The following RALGPS2 variants were observed in gnomAD, a reference collection of about 807,000 sequenced individuals.
The protein encoded by RALGPS2 is ras-specific guanine nucleotide-releasing factor RalGPS2.
Under a neutral mutation model 86.8 loss-of-function variants are expected in RALGPS2, and 43 were observed. The ratio of observed to expected loss-of-function variants is 0.50; its 90% CI spans 0.39 to 0.64. The LOEUF is 0.64. Among genes scored for constraint, RALGPS2 ranks in the 30% least tolerant of loss-of-function variants. RALGPS2 has a pLI of 0.00. For missense variants in RALGPS2, 536 were observed against 694.6 expected (o/e 0.77, Z 2.57); for synonymous variants, 243 against 231.3 (o/e 1.05, Z -0.46).
chr1:178,881,842 T>A (rs943528760), intron 10 of RALGPS2, among the ~76,000 whole-genome samples: 1 of 152,196 alleles, frequency 6.6e-6, no homozygotes, highest in Non-Finnish European at 1.5e-5. Flanking sequence ...TCATTAAAAT[T>A]ATTAGAAAAA....
At chr1:178,870,523 A>G (rs1658689616) in intron 8 of RALGPS2, among the ~76,000 whole-genome samples, 1 of 152,192 alleles carries the variant, frequency 6.6e-6, no homozygotes, top group Non-Finnish European at 1.5e-5. Context: ...TATACACTAA[A>G]CATCATTAAA....
At chr1:178,791,285 T>TC in intron 4 of RALGPS2, among the ~76,000 whole-genome samples, 1 of 142,224 alleles carries the variant, frequency 7.0e-6, no homozygotes, top group African/African-American at 2.6e-5. Flanking sequence ...CACACCTGCC[T>TC]AATTTTTTTT....
intron 8 of RALGPS2, among the ~76,000 whole-genome samples, chr1:178,859,816 G>GCCC (rs1468869767): frequency 9.0e-5 from 1 of 11,084 alleles, no homozygotes; most frequent in Non-Finnish European, 2.1e-4. Flanking sequence ...TCCTGCCTCT[G>GCCC]CCCGCCCCCC....
intron 1 of RALGPS2, chr1:178,747,780 C>T: frequency 2.5e-6 from 2 of 809,426 alleles, no homozygotes; most frequent in South Asian, 1.5e-5. Context: ...CTGGTGCGAG[C>T]AGAGCCTGTG....
intron 1 of RALGPS2, among the ~76,000 whole-genome samples, chr1:178,734,736 C>T (rs1459105214): frequency 6.6e-6 from 1 of 151,838 alleles, no homozygotes; most frequent in Non-Finnish European, 1.5e-5. Context: ...ATGTTGCACA[C>T]TAAATGTAAA....
chr1:178,757,402 C>G (rs1469573809), intron 1 of RALGPS2, among the ~76,000 whole-genome samples: 3 of 152,098 alleles, frequency 2.0e-5, no homozygotes, highest in Non-Finnish European at 2.9e-5. Flanking sequence ...TAGCTTTTGC[C>G]TGTTCAGTAT....
chr1:178,758,532 A>T (rs1572293491), intron 1 of RALGPS2, among the ~76,000 whole-genome samples: 1 of 150,522 alleles, frequency 6.6e-6, no homozygotes, highest in Non-Finnish European at 1.5e-5. Flanking sequence ...GTCACTTCCT[A>T]CCCCCCCTGC....
chr1:178,909,900 C>T (rs1660556304), intron 19 of RALGPS2, among the ~76,000 whole-genome samples: 1 of 152,078 alleles, frequency 6.6e-6, no homozygotes, highest in African/African-American at 2.4e-5. Context: ...CCACCCACCT[C>T]CGCCTCCCAA....
Position 178,865,297 on chromosome 1 carries a change from AT to A in RALGPS2, c.608-12199del, listed in dbSNP as rs752742371. Reference sequence around the variant, plus strand: ...CCATCTTCAACATTTCTGTGGTGACATTGAGGATTTTGTTTTCCAGTTGGGA... The same window carrying A: ...CCATCTTCAACATTTCTGTGGTGACATGAGGATTTTGTTTTCCAGTTGGGA... On this transcript the variant is annotated intron_variant, in intron 8 of 19. Transcript: ENST00000367635. 2.5e-6 allele frequency: 4 copies of A among 1,614,068 alleles called. No homozygotes were observed. The South Asian group carries it at 3.3e-5, about 13-fold the overall frequency.
chr1:178,750,731 C>T (rs1435231142), intron 1 of RALGPS2, among the ~76,000 whole-genome samples: 6 of 152,186 alleles, frequency 3.9e-5, no homozygotes, highest in Non-Finnish European at 7.3e-5. Context: ...GCTCCTTCTG[C>T]ATTTAAGGTT....
chr1:178,775,175 C>T (rs948760871), intron 1 of RALGPS2, among the ~76,000 whole-genome samples: 23 of 152,084 alleles, frequency 1.5e-4, no homozygotes, highest in Admixed American at 1.4e-3. Context: ...TATCTCATTT[C>T]GCTTCACCAC....
intron 5 of RALGPS2, among the ~76,000 whole-genome samples, chr1:178,808,331 T>C (rs1038076880): frequency 2.0e-5 from 3 of 152,152 alleles, no homozygotes; most frequent in African/African-American, 7.2e-5. Flanking sequence ...TTCCTGCTTG[T>C]CTCTTAACCT....
chr1:178,731,793 G>C (rs2102003503), intron 1 of RALGPS2, among the ~76,000 whole-genome samples: 1 of 152,248 alleles, frequency 6.6e-6, no homozygotes, highest in Non-Finnish European at 1.5e-5. Context: ...ATATGGAGAG[G>C]AGATATGATC....
At chr1:178,804,306 T>C (rs1391426915) in intron 4 of RALGPS2, among the ~76,000 whole-genome samples, 2 of 150,006 alleles carry the variant, frequency 1.3e-5, no homozygotes, top group African/African-American at 2.5e-5. Context: ...CTTTAAGTTT[T>C]AGGGTACATG....
chr1:178,842,782 C>T (rs1656655183), intron 8 of RALGPS2, among the ~76,000 whole-genome samples: 1 of 149,836 alleles, frequency 6.7e-6, no homozygotes, highest in Non-Finnish European at 1.5e-5. Flanking sequence ...CCAGAATCTA[C>T]AGTGAACTCA....
At chr1:178,815,744 A>G (rs186792288) in intron 6 of RALGPS2, among the ~76,000 whole-genome samples, 2 of 152,128 alleles carry the variant, frequency 1.3e-5, no homozygotes, top group Admixed American at 1.3e-4. Context: ...TCCTTCAAGC[A>G]TTTTCCCAAA....
chr1:178,787,879 T>C (rs1653740100), intron 4 of RALGPS2, among the ~76,000 whole-genome samples: 1 of 152,228 alleles, frequency 6.6e-6, no homozygotes. Context: ...TAAATGCTTT[T>C]TTACCCAGTA....
intron 18 of RALGPS2, among the ~76,000 whole-genome samples, chr1:178,902,419 A>G (rs1428474466): frequency 2.6e-5 from 4 of 152,080 alleles, no homozygotes; most frequent in Non-Finnish European, 4.4e-5. Context: ...CTGTCCCATT[A>G]TGTATTTTAA....
At chr1:178,894,590 A>G (rs1341780012) in intron 16 of RALGPS2, among the ~76,000 whole-genome samples, 1 of 152,096 alleles carries the variant, frequency 6.6e-6, no homozygotes, top group Admixed American at 6.6e-5. Flanking sequence ...GAACTGTGTG[A>G]GATTTTATCA....
Sources: allele counts gnomAD v4.1 joint callset (sites outside exome capture counted in the v4.1 genomes callset), GRCh38; gene constraint gnomAD v4.1.1; transcripts MANE v1.5; gene names NCBI Gene and HGNC (gene_info 2026-07-23, HGNC 2026-07-21).